POLN: variants seen among roughly 807,000 people sequenced by gnomAD.
POLN encodes DNA polymerase nu, also known as DNA polymerase N.
Under a neutral mutation model 113.5 loss-of-function variants are expected in POLN, and 108 were observed. That is an observed-to-expected ratio of 0.95 (90% CI 0.81 to 1.12). The LOEUF (loss-of-function observed/expected upper bound fraction) is 1.12. POLN is among the 50% of genes most tolerant of loss of function. POLN has a pLI of 0.00. For missense variants in POLN, 1,097 were observed against 1,077.1 expected, an observed-to-expected ratio of 1.02 and a Z score of -0.26; for synonymous variants, 386 against 391.5, an observed-to-expected ratio of 0.99 and a Z score of 0.17.
At chr4:2,207,960 C>A (rs1733892618) in intron 5 of POLN, 27 bp downstream of exon 5, 1 of 1,553,178 alleles carries the variant, frequency 6.4e-7, no homozygotes, top group Non-Finnish European at 8.7e-7. Context: ...GTCAAGACAG[C>A]AAATAAAAAC....
chr4:2,207,860 T>C (rs577475007), intron 5 of POLN, 127 bp downstream of exon 5: 2 of 1,079,344 alleles, frequency 1.9e-6, no homozygotes, highest in East Asian at 5.0e-5. Context: ...TGTCAATCAC[T>C]TACCACTGGA....
intron 2 of POLN, chr4:2,240,308 T>C: frequency 6.2e-7 from 1 of 1,609,174 alleles, no homozygotes; most frequent in Non-Finnish European, 8.5e-7. Context: ...ACAAAGTTAA[T>C]GCTGCTGTGC....
chr4:2,109,556 G>A (rs576557875), intron 19 of POLN, among the ~76,000 whole-genome samples: 1 of 152,138 alleles, frequency 6.6e-6, no homozygotes, highest in South Asian at 2.1e-4. Context: ...GTATTTTAAA[G>A]TTGTTTTAAT....
intron 4 of POLN, among the ~76,000 whole-genome samples, chr4:2,211,255 A>ATAAT (rs1323803168): frequency 3.2e-5 from 3 of 93,378 alleles, no homozygotes; most frequent in Non-Finnish European, 3.8e-5. Flanking sequence ...TCTCCAAATA[A>ATAAT]TAATAATAAT....
intron 19 of POLN, among the ~76,000 whole-genome samples, chr4:2,115,568 T>C (rs556999975): frequency 3.3e-5 from 5 of 152,240 alleles, no homozygotes; most frequent in African/African-American, 1.2e-4. Context: ...TTGATTTCCA[T>C]TGGCTACTTA....
chr4:2,233,094 T>G (rs534568400), intron 2 of POLN, among the ~76,000 whole-genome samples: 27 of 152,336 alleles, frequency 1.8e-4, no homozygotes, highest in Admixed American at 1.4e-3. Flanking sequence ...AGACCTGTCA[T>G]AAATGCCAAT....
rs753542771 is a variant in POLN, at chr4:2,174,007, T to C, written c.1322A>G (p.His441Arg). 6.2e-7 allele frequency: 1 copy of C among 1,614,244 alleles called. No homozygotes were observed. Among genetic ancestry groups the C allele is most frequent in the Admixed American group, 1.7e-5 (1 of 60,030 alleles). The change falls in exon 11 of 26, where the codon CAT becomes CGT. Residue 441 changes from histidine (H) to arginine (R), a missense_variant. His to Arg is a conservative substitution (Grantham distance 29). Transcript: ENST00000511885. The part of the protein sequence containing the change: ...LIPILAVMES[H>R]AIQVNKEEME... Reference sequence around the variant, plus strand: ...CTCCTCTTTGTTCACCTGAATGGCATGGCTTTCCATCACTGTGATTCGAAA... The same window carrying C: ...CTCCTCTTTGTTCACCTGAATGGCACGGCTTTCCATCACTGTGATTCGAAA...
chr4:2,146,637 GAGGGGCAGGCAGAT>G (rs1732149022), intron 16 of POLN, among the ~76,000 whole-genome samples: 1 of 152,118 alleles, frequency 6.6e-6, no homozygotes, highest in Non-Finnish European at 1.5e-5. Context: ...CTGGTGTGGG[GAGGGGCAGGCAGAT>G]AGGGGCAGGG....
intron 13 of POLN, among the ~76,000 whole-genome samples, chr4:2,160,850 T>G (rs1732563346): frequency 6.6e-6 from 1 of 152,226 alleles, no homozygotes. Flanking sequence ...CTTAAAGATG[T>G]CCTCTTGTTA....
At chr4:2,134,284 C>T (rs1731798265) in intron 16 of POLN, among the ~76,000 whole-genome samples, 1 of 152,000 alleles carries the variant, frequency 6.6e-6, no homozygotes, top group South Asian at 2.1e-4. Context: ...TGGTTGTTTC[C>T]AGTTTTTGGT....
rs1732835474 is a variant in POLN, at chr4:2,170,591, G to A, written c.1554+88C>T. On this transcript the variant is annotated intron_variant, in intron 13 of 25. Coordinates refer to ENST00000511885, the MANE Select transcript of POLN (RefSeq NM_181808.4). ...CTGCCAGCATGAGGGGACGGCCTGA[G>A]AGTCTCGGGTGGGTCTGAAGGTCAG... The A allele has an allele frequency of 7.9e-6, 9 of 1,136,018 alleles. No individual in the cohort carries two copies. In the East Asian group the frequency reaches 2.2e-4, roughly 27 times the overall value. 70.4% of individuals were successfully genotyped at this position (1,136,018 alleles called of 1,614,324 possible). A position where few individuals can be genotyped will look rare whatever the true frequency, so the allele number is the denominator to read the frequency against.
chr4:2,107,444 T>C (rs1036065866), intron 19 of POLN, among the ~76,000 whole-genome samples: 1 of 152,130 alleles, frequency 6.6e-6, no homozygotes, highest in Non-Finnish European at 1.5e-5. Flanking sequence ...TTTGTTAGCT[T>C]GCGGCGGGTA....
At chr4:2,076,521 GGGAA>G (rs1423007805) in intron 23 of POLN, 1 of 152,422 alleles carries the variant, frequency 6.6e-6, no homozygotes, top group Non-Finnish European at 1.5e-5. Context: ...ATGAGCTGCT[GGGAA>G]GGATGGGGTG....
intron 5 of POLN, among the ~76,000 whole-genome samples, chr4:2,202,092 G>T (rs1233820756): frequency 6.6e-6 from 1 of 151,758 alleles, no homozygotes; most frequent in East Asian, 1.9e-4. Context: ...CATTTCACAG[G>T]CCCTATAAAG....
At chr4:2,141,861 G>A (rs984969209) in intron 16 of POLN, among the ~76,000 whole-genome samples, 1 of 152,324 alleles carries the variant, frequency 6.6e-6, no homozygotes, top group Admixed American at 6.5e-5. Flanking sequence ...GACCCAGCCT[G>A]TGGGGCGCTG....
At chr4:2,081,947 CTTTTTTT>C (rs71167773) in intron 21 of POLN, among the ~76,000 whole-genome samples, 22 of 92,550 alleles carry the variant, frequency 2.4e-4, no homozygotes, top group East Asian at 1.4e-3. Context: ...GCACTCTGCA[CTTTTTTT>C]TTTTTTTTTT....
At chr4:2,176,199 C>T (rs775639677) in intron 9 of POLN, 67 bp downstream of exon 9, 83 of 1,271,230 alleles carry the variant, frequency 6.5e-5, no homozygotes, top group Non-Finnish European at 8.8e-5. Context: ...CCTGGGAGTG[C>T]GGGTGCCAAT....
chr4:2,189,814 A>C (rs564783413), intron 7 of POLN, among the ~76,000 whole-genome samples: 2 of 151,848 alleles, frequency 1.3e-5, no homozygotes, highest in East Asian at 3.9e-4. Flanking sequence ...GTGGATCACG[A>C]GGTCAGGAGA....
intron 7 of POLN, among the ~76,000 whole-genome samples, chr4:2,191,770 G>C (rs1251282511): frequency 6.6e-6 from 1 of 152,148 alleles, no homozygotes; most frequent in Non-Finnish European, 1.5e-5. Flanking sequence ...TGAATCACAT[G>C]ATGTTTGGGT....
Sources: allele counts gnomAD v4.1 joint callset (sites outside exome capture counted in the v4.1 genomes callset), GRCh38; gene constraint gnomAD v4.1.1; transcripts MANE v1.5; gene names NCBI Gene and HGNC (gene_info 2026-07-23, HGNC 2026-07-21).